HS3ST6: variants seen among roughly 807,000 people sequenced by gnomAD.
The protein encoded by HS3ST6 is heparan sulfate glucosamine 3-O-sulfotransferase 6.
A neutral mutation model predicts 11.0 loss-of-function variants in HS3ST6; 13 were observed. The ratio of observed to expected loss-of-function variants is 1.18; its 90% CI spans 0.77 to 1.88. The LOEUF is 1.88. Among genes scored for constraint, HS3ST6 ranks in the 40% most tolerant of loss-of-function variants. The pLI is 0.00. For missense variants in HS3ST6, 541 were observed against 494.4 expected (o/e 1.09, Z -0.89); for synonymous variants, 232 against 230.6 (o/e 1.01, Z -0.06).
At chr16:1,918,816 G>A (rs568733681), upstream of HS3ST6, among the ~76,000 whole-genome samples, 8 of 152,242 alleles carry the variant, frequency 5.3e-5, no homozygotes, top group South Asian at 1.7e-3. The surrounding 1 kb of genome is among the most constrained non-coding windows in gnomAD (Gnocchi z 6.0). Flanking sequence ...GCCTGCAGGA[G>A]CGGGAGCCTC....
intron 1 of HS3ST6, among the ~76,000 whole-genome samples, chr16:1,914,250 G>A (rs1185771043): frequency 6.6e-6 from 1 of 152,154 alleles, no homozygotes; most frequent in Non-Finnish European, 1.5e-5. Flanking sequence ...ACCCGCGTGG[G>A]AGCCGCACCC....
Position 1,912,087 on chromosome 16 carries a change from CGATCAGCTTCGTGTCCGGG to C in HS3ST6, c.513_531del (p.Pro172TrpfsTer7). Reference sequence around the variant, plus strand: ...CGGGTCACGGGGTTCCGCACCACCACGATCAGCTTCGTGTCCGGGGACATGGCGTGGATGCGGCGGGGGG... The same window carrying C: ...CGGGTCACGGGGTTCCGCACCACCACGACATGGCGTGGATGCGGCGGGGGG... On this transcript the variant is annotated frameshift_variant, in exon 2 of 2. Transcript: ENST00000454677. LOFTEE classifies it low-confidence loss of function (END_TRUNC). This position sits in a 1 kb window ranked among gnomAD's most constrained non-coding sequence, Gnocchi z 5.6. The C allele has an allele frequency of 6.6e-7, 1 of 1,509,346 alleles. No individual in the cohort carries two copies. The highest frequency in any genetic ancestry group is 8.8e-7 in the Non-Finnish European group (1 of 1,131,014). The allele number at this position is 1,509,346 out of a possible 1,614,324, so 93.5% of individuals were successfully genotyped here.
At chr16:1,918,956 G>A (rs192121325), upstream of HS3ST6, among the ~76,000 whole-genome samples, 3 of 152,294 alleles carry the variant, frequency 2.0e-5, no homozygotes, top group East Asian at 3.9e-4. This position sits in a 1 kb window ranked among gnomAD's most constrained non-coding sequence, Gnocchi z 6.0. Context: ...GTCTGCGGCC[G>A]GGAATGGCGT....
At chr16:1,914,687 A>G (rs1255035140) in intron 1 of HS3ST6, among the ~76,000 whole-genome samples, 2 of 152,138 alleles carry the variant, frequency 1.3e-5, no homozygotes, top group African/African-American at 4.8e-5. Flanking sequence ...AGTCAGAGGG[A>G]GCTCCGTAGG....
chr16:1,919,352 C>T (rs1027016905), upstream of HS3ST6, among the ~76,000 whole-genome samples: 1 of 152,210 alleles, frequency 6.6e-6, no homozygotes, highest in African/African-American at 2.4e-5. Context: ...CTGCGGGGGC[C>T]GCTAGACACT....
chr16:1,916,536 G>T (rs1182743548), intron 1 of HS3ST6, among the ~76,000 whole-genome samples: 1 of 151,996 alleles, frequency 6.6e-6, no homozygotes, highest in Non-Finnish European at 1.5e-5. Context: ...GGCGGGCCTG[G>T]ACTGGCCTCA....
In HS3ST6 at chr16:1,918,239, G is replaced by T; in HGVS notation, c.85C>A (p.Arg29Ser). The T allele has an allele frequency of 2.9e-6, 3 of 1,026,566 alleles. No individual in the cohort carries two copies. The highest frequency in any genetic ancestry group is 3.5e-6 in the Non-Finnish European group (3 of 858,920). 63.6% of individuals were successfully genotyped at this position (1,026,566 alleles called of 1,614,324 possible). ...AGQGAALRAS[R>S]APMLLVALVL... ...AGGGCCACGAGCAGCATCGGCGCGCGGGACGCCCGCAGAGCGGCCCCTTGC... is the reference window on the plus strand; with the variant it reads ...AGGGCCACGAGCAGCATCGGCGCGCTGGACGCCCGCAGAGCGGCCCCTTGC... The change falls in exon 1 of 2, where the codon CGC becomes AGC. Residue 29 changes from arginine to serine, a missense_variant. Arg to Ser is a moderately radical substitution (Grantham distance 110). Transcript: ENST00000454677. This position sits in a 1 kb window ranked among gnomAD's most constrained non-coding sequence, Gnocchi z 6.0.
Position 1,911,847 on chromosome 16 carries a change from C to A in HS3ST6, c.772G>T (p.Gly258Ter). 6.2e-7 allele frequency: 1 copy of A among 1,610,798 alleles called. No individual in the cohort carries two copies. Among genetic ancestry groups the A allele is most frequent in the Non-Finnish European group, 8.5e-7 (1 of 1,178,318 alleles). ...AAGTCCTGCACGCGGCCGACCTCTC[C>A]GGCCGGGTCGCTGACCAGACGCTCC... ...SGERLVSDPA[G>*]EVGRVQDFLG... The change falls in exon 2 of 2, where the codon GGA becomes TGA. Residue 258 changes from glycine (G) to a stop codon, truncating the protein, a stop_gained. Coordinates refer to ENST00000454677, the MANE Select transcript of HS3ST6 (RefSeq NM_001009606.4). LOFTEE classifies it high-confidence loss of function.
rs371489616 is a variant in HS3ST6 at position 1,911,953 on chromosome 16, G to A, written c.666C>T (p.Ala222=). 1.3e-6 allele frequency: 2 copies of A among 1,573,104 alleles called. No homozygotes were observed. The highest frequency in any genetic ancestry group is 1.7e-6 in the Non-Finnish European group (2 of 1,158,280). Residue 222 remains alanine (A), a synonymous_variant, in exon 2 of 2, where the codon GCC becomes GCT. Transcript: ENST00000454677. The part of the protein sequence containing the change: ...GLGPVDTAWS[A]VRIGLYAQHL... ...GCTGGGCGTACAGGCCGATGCGGAC[G>A]GCGCTCCAGGCTGTGTCCACGGGGC...
At position 1,918,064 on chromosome 16, in the gene HS3ST6, CGGCCGGGACCGCTGGCCAAAGGCA is replaced by C. The variant is rs1221777688; in HGVS notation, c.236_259del (p.Leu79_Gly86del). 6.6e-7 allele frequency: 1 copy of C among 1,507,722 alleles called. No individual in the cohort carries two copies. Among genetic ancestry groups the C allele is most frequent in the Admixed American group, 2.1e-5 (1 of 48,408 alleles). 93.4% of individuals were successfully genotyped at this position (1,507,722 alleles called of 1,614,324 possible). A position where few individuals can be genotyped will look rare whatever the true frequency, so the allele number is the denominator to read the frequency against. On this transcript the variant is annotated inframe_deletion, in exon 1 of 2. Coordinates refer to ENST00000454677, the MANE Select transcript of HS3ST6 (RefSeq NM_001009606.4). The surrounding 1 kb of genome is among the most constrained non-coding windows in gnomAD (Gnocchi z 6.0). ...GATGAGCGCTTGCGGGAAGCGCCGG[CGGCCGGGACCGCTGGCCAAAGGCA>C]GGCCGGGTGCTCCCGGGCGGTGGAC...
chr16:1,918,691 G>T (rs1160550263), upstream of HS3ST6, among the ~76,000 whole-genome samples: 6 of 151,754 alleles, frequency 4.0e-5, no homozygotes, highest in Admixed American at 1.3e-4. The surrounding 1 kb of genome is among the most constrained non-coding windows in gnomAD (Gnocchi z 6.0). Context: ...CGTTCGGGAC[G>T]CAGGGCAGGG....
rs557954926 is a variant in HS3ST6 at position 1,917,856 on chromosome 16, C to T, written c.413+55G>A. 224 of 1,261,760 alleles carry T rather than the reference C, an allele frequency of 1.8e-4. No homozygotes were observed. The African/African-American group carries it at 3.3e-3, about 18-fold the overall frequency. The allele number at this position is 1,261,760 out of a possible 1,614,324, so 78.2% of individuals were successfully genotyped here. A position where few individuals can be genotyped will look rare whatever the true frequency, so the allele number is the denominator to read the frequency against. Reference sequence around the variant, plus strand: ...TATCGTGCCGCTGCTCCCTGGGGCGCACGATACCCTCCCCAGGAAGGCGCC... The same window carrying T: ...TATCGTGCCGCTGCTCCCTGGGGCGTACGATACCCTCCCCAGGAAGGCGCC... On this transcript the variant is annotated intron_variant, in intron 1 of 1. Coordinates refer to ENST00000454677, the MANE Select transcript of HS3ST6 (RefSeq NM_001009606.4).
At chr16:1,913,452 A>C (rs551214649) in intron 1 of HS3ST6, among the ~76,000 whole-genome samples, 1 of 152,294 alleles carries the variant, frequency 6.6e-6, no homozygotes, top group South Asian at 2.1e-4. Context: ...AGGCACCCCC[A>C]GCAGTGCCCC....
chr16:1,911,875 G>T lies in HS3ST6; in HGVS notation c.744C>A (p.Ser248Arg), dbSNP rs767396198. The stretch of plus-strand genomic sequence containing the variant: ...CCGGGTCGCTGACCAGACGCTCCCC[G>T]CTGACGAACAGGAAGTGGGACAGGG... ...YFPLSHFLFV[S>R]GERLVSDPAG... Residue 248 changes from serine (S) to arginine (R), a missense_variant, in exon 2 of 2, where the codon AGC becomes AGA. Coordinates refer to ENST00000454677, the MANE Select transcript of HS3ST6 (RefSeq NM_001009606.4). 2.5e-6 allele frequency: 4 copies of T among 1,607,126 alleles called. No individual in the cohort carries two copies. Among genetic ancestry groups the T allele is most frequent in the Admixed American group, 3.4e-5 (2 of 59,314 alleles).
At chr16:1,914,840 C>T (rs965047202) in intron 1 of HS3ST6, among the ~76,000 whole-genome samples, 1 of 152,168 alleles carries the variant, frequency 6.6e-6, no homozygotes, top group Non-Finnish European at 1.5e-5. Flanking sequence ...CCCAGGCATC[C>T]GAAGCCTATC....
Position 1,912,282 on chromosome 16 carries a change from C to T in HS3ST6, c.414-77G>A, listed in dbSNP as rs1466383609. On this transcript the variant is annotated intron_variant, in intron 1 of 1. Transcript: ENST00000454677. This position sits in a 1 kb window ranked among gnomAD's most constrained non-coding sequence, Gnocchi z 5.6. Reference sequence around the variant, plus strand: ...GGCCCCCAGGGGCCCGGGACCAAGGCCCCCTTATGCCCGGGAAGCCCAGGC... The same window carrying T: ...GGCCCCCAGGGGCCCGGGACCAAGGTCCCCTTATGCCCGGGAAGCCCAGGC... 6 of 1,228,882 alleles carry T rather than the reference C, an allele frequency of 4.9e-6. No individual in the cohort carries two copies. The highest frequency in any genetic ancestry group is 6.2e-6 in the Non-Finnish European group (6 of 968,870). 76.1% of individuals were successfully genotyped at this position (1,228,882 alleles called of 1,614,324 possible). A position where few individuals can be genotyped will look rare whatever the true frequency, so the allele number is the denominator to read the frequency against.
At position 1,915,901 on chromosome 16, in the gene HS3ST6, C is replaced by T. The variant is rs1280448686; in HGVS notation, c.413+2010G>A. On this transcript the variant is annotated intron_variant, in intron 1 of 1. Transcript: ENST00000454677. ...GCCGGGTCACCGCCTGGAACTAGGTCGGTCACAGCCCAGTGGGAGCCGTGG... is the reference window on the plus strand; with the variant it reads ...GCCGGGTCACCGCCTGGAACTAGGTTGGTCACAGCCCAGTGGGAGCCGTGG... Among the ~76,000 whole-genome samples, 3 of 132,370 alleles carry T rather than the reference C, an allele frequency of 2.3e-5. No homozygotes were observed. In the East Asian group the frequency reaches 7.4e-4, roughly 33 times the overall value. The allele number at this position is 132,370 out of a possible 152,430, so 86.8% of individuals were successfully genotyped here. A position where few individuals can be genotyped will look rare whatever the true frequency, so the allele number is the denominator to read the frequency against.
At position 1,918,117 on chromosome 16, in the gene HS3ST6, G is replaced by A; in HGVS notation, c.207C>T (p.Ser69=). ...CGGGTGCTCCCGGGCGGTGGACGGA[G>A]CTGGACGGCTCGGAGGGCGCGGGGG... is the stretch of plus-strand genomic sequence containing the variant. ...APAPAPSEPS[S]SVHRPGAPGL... is the part of the protein sequence containing the mutation. The change falls in exon 1 of 2, where the codon AGC becomes AGT. Residue 69 remains serine (S), a synonymous_variant. Transcript: ENST00000454677. The surrounding 1 kb of genome is among the most constrained non-coding windows in gnomAD (Gnocchi z 6.0). 7.8e-7 allele frequency: 1 copy of A among 1,283,434 alleles called. No homozygotes were observed. The highest frequency in any genetic ancestry group is 9.9e-7 in the Non-Finnish European group (1 of 1,014,964). 79.5% of individuals were successfully genotyped at this position (1,283,434 alleles called of 1,614,324 possible). A position where few individuals can be genotyped will look rare whatever the true frequency, so the allele number is the denominator to read the frequency against.
chr16:1,913,784 G>A (rs866518413), intron 1 of HS3ST6, among the ~76,000 whole-genome samples: 8 of 152,138 alleles, frequency 5.3e-5, no homozygotes, highest in Non-Finnish European at 8.8e-5. Flanking sequence ...CAGACCCCCA[G>A]GGAAACGCAG....
Sources: gnomAD v4.1 joint callset for allele counts (sites outside exome capture counted in the v4.1 genomes callset) on GRCh38, gnomAD v4.1.1 for gene constraint, Gnocchi (gnomAD v3.1) non-coding constraint, MANE v1.5 for transcripts, NCBI Gene and HGNC (gene_info 2026-07-23, HGNC 2026-07-21) for gene names.